Variants in KAZN observed in about 807,000 individuals in gnomAD.
KAZN encodes the protein kazrin.
In KAZN, 40 loss-of-function variants were observed where a neutral mutation model predicts 87.4. The ratio of observed to expected loss-of-function variants is 0.46; its 90% CI spans 0.36 to 0.60. The LOEUF (loss-of-function observed/expected upper bound fraction) is 0.60, where lower values mean the gene tolerates loss of function less well. Among genes scored for constraint, KAZN ranks in the 20% least tolerant of loss-of-function variants. The probability of loss-of-function intolerance (pLI) is 0.00; values close to 1 mark genes in which losing one functional copy is unlikely to be tolerated. For missense variants in KAZN, 898 were observed against 1,073.9 expected, an observed-to-expected ratio of 0.84 and a Z score of 2.29; for synonymous variants, 466 against 458.3, an observed-to-expected ratio of 1.02 and a Z score of -0.22.
intron 2 of KAZN, among the ~76,000 whole-genome samples, chr1:14,988,451 C>CCGGCCCAGCCCTGCTGGAGGGAAT (rs1339054352): frequency 6.6e-6 from 1 of 152,222 alleles, no homozygotes; most frequent in African/African-American, 2.4e-5. Context: ...GCAGCTCCAC[C>CCGGCCCAGCCCTGCTGGAGGGAAT]CGGCCCAGCC....
intron 2 of KAZN, among the ~76,000 whole-genome samples, chr1:14,972,676 G>A (rs1471151057): frequency 1.3e-5 from 2 of 151,950 alleles, no homozygotes; most frequent in African/African-American, 4.8e-5. Flanking sequence ...CACCACGCCC[G>A]GCTAATTTTT....
At chr1:14,014,184 G>T (rs1214156328) in intron 1 of KAZN, among the ~76,000 whole-genome samples, 1 of 151,984 alleles carries the variant, frequency 6.6e-6, no homozygotes, top group Non-Finnish European at 1.5e-5. Flanking sequence ...CGGGAGGAAG[G>T]CTTGGTGCCA....
Position 14,598,943 on chromosome 1 carries a change from C to A in KAZN, c.-55C>A, listed in dbSNP as rs893958680. 5.1e-6 allele frequency: 8 copies of A among 1,556,846 alleles called. No homozygotes were observed. The South Asian group carries it at 5.9e-5, about 12-fold the overall frequency. On this transcript the variant is annotated 5_prime_UTR_variant, in exon 1 of 15. Coordinates refer to ENST00000376030, the MANE Select transcript of KAZN (RefSeq NM_201628.3). This position sits in a 1 kb window ranked among gnomAD's most constrained non-coding sequence, Gnocchi z 4.2. ...CGGGGGTGCCCGGCCGCGCGCCCCC[C>A]GCGCATCATGCAGCTCTTTGTCACC...
intron 1 of KAZN, among the ~76,000 whole-genome samples, chr1:14,128,275 T>C (rs1644916042): frequency 6.6e-6 from 1 of 152,136 alleles, no homozygotes; most frequent in South Asian, 2.1e-4. Context: ...CATGAAGGCC[T>C]CTCCATGGGC....
At chr1:14,167,082 A>G (rs1008019390) in intron 1 of KAZN, among the ~76,000 whole-genome samples, 48 of 152,364 alleles carry the variant, frequency 3.2e-4, no homozygotes, top group African/African-American at 1.2e-3. Context: ...CTTAATGGAA[A>G]GGAAGGGGAA....
Position 14,331,850 on chromosome 1 carries a change from C to T in KAZN, c.249+151258C>T, listed in dbSNP as rs536413529. Reference sequence around the variant, plus strand: ...ATATATTTTATTGCATTTGTATGCACGCTTTAAATGCCTATTTTTAAATGT... The same window carrying T: ...ATATATTTTATTGCATTTGTATGCATGCTTTAAATGCCTATTTTTAAATGT... On this transcript the variant is annotated intron_variant, in intron 2 of 16. Transcript: ENST00000636203. Among the ~76,000 whole-genome samples, 34 of 152,206 alleles carry T rather than the reference C, an allele frequency of 2.2e-4. No individual in the cohort carries two copies. In the East Asian group the frequency reaches 2.3e-3, roughly 10 times the overall value.
chr1:14,348,812 C>T (rs779643175), intron 2 of KAZN: 15 of 152,186 alleles, frequency 9.9e-5, no homozygotes, highest in Non-Finnish European at 1.8e-4. Context: ...CTAGAGAAAA[C>T]AGTGGCTACA....
chr1:14,138,658 A>G (rs1454071392), intron 1 of KAZN, among the ~76,000 whole-genome samples: 2 of 152,212 alleles, frequency 1.3e-5, no homozygotes, highest in African/African-American at 4.8e-5. Context: ...GCAATGGCGT[A>G]CATCGCAGAG....
intron 1 of KAZN, among the ~76,000 whole-genome samples, chr1:14,724,752 T>C (rs1372336323): frequency 6.6e-6 from 1 of 152,246 alleles, no homozygotes; most frequent in Non-Finnish European, 1.5e-5. Context: ...GGTTGCCCCG[T>C]TGGCTTTGAT....
intron 1 of KAZN, among the ~76,000 whole-genome samples, chr1:14,077,405 G>A (rs898284065): frequency 1.3e-5 from 2 of 152,156 alleles, no homozygotes; most frequent in Non-Finnish European, 2.9e-5. Context: ...CCCTTAAGAT[G>A]GGTGCTGCTG....
chr1:14,795,614 C>T (rs913533994), intron 1 of KAZN, among the ~76,000 whole-genome samples: 3 of 152,082 alleles, frequency 2.0e-5, no homozygotes, highest in Admixed American at 6.5e-5. Flanking sequence ...CAAAAGTAAC[C>T]TAAATCTGCC....
intron 2 of KAZN, among the ~76,000 whole-genome samples, chr1:14,231,398 T>C (rs1647830884): frequency 6.6e-6 from 1 of 151,240 alleles, no homozygotes; most frequent in South Asian, 2.1e-4. Context: ...CTATCTCATT[T>C]TTTTTTTTAG....
In KAZN at chr1:15,065,565, A is replaced by G. The variant is rs1259893774; in HGVS notation, c.1099-65A>G. On this transcript the variant is annotated intron_variant, in intron 7 of 14. Transcript: ENST00000376030. ...CCGGATCCCATCCACTGCAGTCTGC[A>G]CCCCAGCTAAGCTTGGCTTTCTTCT... is the stretch of plus-strand genomic sequence containing the variant. 1.9e-5 allele frequency: 26 copies of G among 1,404,420 alleles called. 1 individual carries two copies. The East Asian group carries it at 3.7e-4, about 20-fold the overall frequency. 87.0% of individuals were successfully genotyped at this position (1,404,420 alleles called of 1,614,324 possible). A position where few individuals can be genotyped will look rare whatever the true frequency, so the allele number is the denominator to read the frequency against.
chr1:14,497,568 T>C (rs1243887228), intron 2 of KAZN, among the ~76,000 whole-genome samples: 1 of 152,128 alleles, frequency 6.6e-6, no homozygotes, highest in Non-Finnish European at 1.5e-5. Flanking sequence ...TATTTCAGTT[T>C]AAAGTTGGCC....
At chr1:14,524,815 C>T (rs1327135101) in intron 2 of KAZN, among the ~76,000 whole-genome samples, 1 of 152,162 alleles carries the variant, frequency 6.6e-6, no homozygotes, top group Non-Finnish European at 1.5e-5. Context: ...GTTCCTGTGC[C>T]TGATTTCGTG....
chr1:14,304,702 T>G (rs1654795786), intron 2 of KAZN: 2 of 398,304 alleles, frequency 5.0e-6, no homozygotes. Context: ...CATCTGAGTT[T>G]CGTATAACCA....
intron 2 of KAZN, among the ~76,000 whole-genome samples, chr1:14,437,680 C>T (rs1435624306): frequency 1.3e-5 from 2 of 152,174 alleles, no homozygotes; most frequent in Non-Finnish European, 2.9e-5. Context: ...GAGCTGCAGT[C>T]GCTGCAGCCC....
At chr1:13,914,119 G>T (rs531038579) in intron 1 of KAZN, among the ~76,000 whole-genome samples, 40 of 152,198 alleles carry the variant, frequency 2.6e-4, no homozygotes, top group Non-Finnish European at 5.3e-4. Context: ...AAGCTCATAG[G>T]GATGGAGAAC....
At chr1:14,219,042 C>T (rs1647031769) in intron 2 of KAZN, among the ~76,000 whole-genome samples, 1 of 152,030 alleles carries the variant, frequency 6.6e-6, no homozygotes, top group African/African-American at 2.4e-5. Context: ...CACAGAGATG[C>T]AATCAGCAAA....
Sources: gnomAD v4.1 joint callset for allele counts (sites outside exome capture counted in the v4.1 genomes callset) on GRCh38, gnomAD v4.1.1 for gene constraint, Gnocchi (gnomAD v3.1) non-coding constraint, MANE v1.5 for transcripts, NCBI Gene and HGNC (gene_info 2026-07-23, HGNC 2026-07-21) for gene names.